PPM1L: variants seen among roughly 807,000 people sequenced by gnomAD.
PPM1L encodes the protein protein phosphatase, Mg2+/Mn2+ dependent 1L.
PPM1L carries 13 observed loss-of-function variants against 31.4 expected under a neutral mutation model. The observed-to-expected ratio is 0.41, with a 90% CI of 0.27 to 0.66. The LOEUF (loss-of-function observed/expected upper bound fraction) is 0.66, where lower values mean the gene tolerates loss of function less well. PPM1L is among the 30% of genes least tolerant of loss of function. The pLI is 0.29. For synonymous variants in PPM1L, 184 were observed against 175.4 expected, an observed-to-expected ratio of 1.05 and a Z score of -0.39; for missense variants, 326 against 453.7, an observed-to-expected ratio of 0.72 and a Z score of 2.56.
intron 1 of PPM1L, among the ~76,000 whole-genome samples, chr3:160,915,970 A>G (rs2108066893): frequency 6.6e-6 from 1 of 152,322 alleles, no homozygotes; most frequent in Non-Finnish European, 1.5e-5. Context: ...AAGAAAACCT[A>G]GGCAATACCA....
At chr3:160,841,446 C>T (rs1378783753) in intron 1 of PPM1L, among the ~76,000 whole-genome samples, 2 of 151,906 alleles carry the variant, frequency 1.3e-5, no homozygotes, top group African/African-American at 4.8e-5. Flanking sequence ...TGCAGAGCTA[C>T]ATTTCTTAAT....
intron 1 of PPM1L, among the ~76,000 whole-genome samples, chr3:160,768,994 C>T (rs1487932898): frequency 6.6e-6 from 1 of 152,140 alleles, no homozygotes; most frequent in Admixed American, 6.6e-5. Context: ...TTATATCTGT[C>T]CCGTTCTTTT....
At position 161,072,123 on chromosome 3, in the gene PPM1L, G is replaced by A. The variant is rs1445001633; in HGVS notation, c.*2966G>A. 2 of 149,024 alleles carry A rather than the reference G, an allele frequency of 1.3e-5. No homozygotes were observed. The highest frequency in any genetic ancestry group is 5.1e-5 in the African/African-American group (2 of 39,156). The allele number at this position is 149,024 out of a possible 1,614,324, so 9.2% of individuals were successfully genotyped here. On this transcript the variant is annotated 3_prime_UTR_variant, in exon 4 of 4. Coordinates refer to ENST00000498165, the MANE Select transcript of PPM1L (RefSeq NM_139245.4). Reference sequence around the variant, plus strand: ...TTTGTACTCTTAACATAGGTTGGGGGAGGGACAGCTAGGGAAATTTTTTTT... The same window carrying A: ...TTTGTACTCTTAACATAGGTTGGGGAAGGGACAGCTAGGGAAATTTTTTTT...
chr3:161,047,148 T>A (rs1212332603), intron 2 of PPM1L, among the ~76,000 whole-genome samples: 16 of 152,138 alleles, frequency 1.1e-4, no homozygotes, highest in Admixed American at 1.0e-3. Context: ...GGAAGTCAAA[T>A]TGTCCCTGTT....
chr3:160,772,720 C>T (rs188962973), intron 1 of PPM1L, among the ~76,000 whole-genome samples: 12 of 152,294 alleles, frequency 7.9e-5, no homozygotes, highest in South Asian at 6.2e-4. Context: ...TTTCCATTCT[C>T]CTACCCTTCT....
chr3:160,845,053 C>T (rs968252116), intron 1 of PPM1L, among the ~76,000 whole-genome samples: 1 of 152,074 alleles, frequency 6.6e-6, no homozygotes, highest in Admixed American at 6.6e-5. Context: ...AAAGTTCATC[C>T]ATGTTGTAGC....
chr3:161,025,712 T>C (rs1718365581), intron 2 of PPM1L, among the ~76,000 whole-genome samples: 1 of 152,164 alleles, frequency 6.6e-6, no homozygotes, highest in African/African-American at 2.4e-5. Context: ...CCTCCAGAAC[T>C]GTGAGAAAAT....
At chr3:160,934,511 A>T (rs1348375140) in intron 1 of PPM1L, among the ~76,000 whole-genome samples, 3 of 152,208 alleles carry the variant, frequency 2.0e-5, no homozygotes, top group Admixed American at 6.5e-5. Flanking sequence ...AAGGAAAAAA[A>T]TGTCTCATGT....
In PPM1L at chr3:160,927,942, A is replaced by T. The variant is rs567863889; in HGVS notation, c.400-33794A>T. Among the ~76,000 whole-genome samples the T allele has an allele frequency of 2.6e-5, 4 of 152,088 alleles. No individual in the cohort carries two copies. The East Asian group carries it at 7.7e-4, about 29-fold the overall frequency. The stretch of plus-strand genomic sequence containing the variant: ...GAATTAATTAAATAGAGAATGAATG[A>T]CTCCAGATCATACCACAAAGCCTGG... On this transcript the variant is annotated intron_variant, in intron 1 of 3. Transcript: ENST00000498165.
intron 2 of PPM1L, among the ~76,000 whole-genome samples, chr3:160,974,379 G>A (rs79297874): frequency 0.47 from 71,494 of 151,780 alleles, 18,141 homozygotes; most frequent in East Asian, 0.7. Context: ...TTGTGTGGGT[G>A]TATATCCAGT....
intron 1 of PPM1L, chr3:160,842,069 T>A: frequency 4.0e-6 from 2 of 499,844 alleles, no homozygotes; most frequent in South Asian, 3.3e-5. Flanking sequence ...AATAGGAGAG[T>A]TTATGATGAG....
intron 1 of PPM1L, among the ~76,000 whole-genome samples, chr3:160,917,720 T>A (rs1714237184): frequency 6.6e-6 from 1 of 151,992 alleles, no homozygotes; most frequent in South Asian, 2.1e-4. Flanking sequence ...AGAATCATAT[T>A]TTAAAAAAAA....
chr3:161,058,245 C>T (rs1719477225), intron 2 of PPM1L, among the ~76,000 whole-genome samples: 1 of 149,938 alleles, frequency 6.7e-6, no homozygotes, highest in African/African-American at 2.4e-5. Flanking sequence ...CTGCCTCAGC[C>T]TCCGGAGTAA....
chr3:161,017,542 A>G (rs1485207455), intron 2 of PPM1L, among the ~76,000 whole-genome samples: 1 of 152,164 alleles, frequency 6.6e-6, no homozygotes, highest in East Asian at 1.9e-4. Context: ...TCTGAAGTAA[A>G]TGCCAACCTC....
rs1404591873 is a variant in PPM1L at position 161,069,040 on chromosome 3, T to A, written c.966T>A (p.Asp322Glu). 6.2e-7 allele frequency: 1 copy of A among 1,614,216 alleles called. No individual in the cohort carries two copies. Among genetic ancestry groups the A allele is most frequent in the Non-Finnish European group, 8.5e-7 (1 of 1,180,022 alleles). The change falls in exon 4 of 4, where the codon GAT becomes GAA. Residue 322 changes from aspartate (D) to glutamate (E), a missense_variant. Around this residue, in one of 3 missense-constraint regions of PPM1L, gnomAD observed 201 missense variants for 298.2 expected, o/e 0.67. Coordinates refer to ENST00000498165, the MANE Select transcript of PPM1L (RefSeq NM_139245.4). ...TTCGATTCATCAAGGAGCGCTTGGA[T>A]GAACCTCACTTTGGGGCCAAGAGCA... ...EAVRFIKERL[D>E]EPHFGAKSIV...
At chr3:161,029,338 T>C (rs1718496268) in intron 2 of PPM1L, among the ~76,000 whole-genome samples, 1 of 152,214 alleles carries the variant, frequency 6.6e-6, no homozygotes, top group Admixed American at 6.5e-5. Flanking sequence ...AAATAGTAAC[T>C]GGAGCTAAGA....
chr3:160,868,526 C>G (rs1712174273), intron 1 of PPM1L, among the ~76,000 whole-genome samples: 1 of 152,224 alleles, frequency 6.6e-6, no homozygotes, highest in African/African-American at 2.4e-5. Context: ...GCCACCAAAG[C>G]AGGGCTGCTT....
At chr3:160,986,825 T>A (rs1451619091) in intron 2 of PPM1L, among the ~76,000 whole-genome samples, 1 of 152,220 alleles carries the variant, frequency 6.6e-6, no homozygotes, top group African/African-American at 2.4e-5. Flanking sequence ...ATTTTTAGAG[T>A]TGCTGCCAAA....
At position 161,077,499 on chromosome 3, in the gene PPM1L, A is replaced by T. The variant is rs1720141259; in HGVS notation, c.*8342A>T. ...GAAGAGAAGGATTATAGAAAAGGAG[A>T]AAAGGGAGGAGCAAGAACATCTCTC... On this transcript the variant is annotated 3_prime_UTR_variant, in exon 4 of 4. Transcript: ENST00000498165. The T allele has an allele frequency of 6.6e-6, 1 of 152,290 alleles. No individual in the cohort carries two copies. The highest frequency in any genetic ancestry group is 2.4e-5 in the African/African-American group (1 of 41,454). The allele number at this position is 152,290 out of a possible 1,614,324, so 9.4% of individuals were successfully genotyped here. A position where few individuals can be genotyped will look rare whatever the true frequency, so the allele number is the denominator to read the frequency against.
Sources: gnomAD v4.1 joint callset for allele counts (sites outside exome capture counted in the v4.1 genomes callset) on GRCh38, gnomAD v4.1.1 for gene constraint, gnomAD v4.1.1 regional missense constraint, MANE v1.5 for transcripts, NCBI Gene and HGNC (gene_info 2026-07-23, HGNC 2026-07-21) for gene names.